ANKS1B: variants seen among roughly 807,000 people sequenced by gnomAD.
ANKS1B encodes the protein ankyrin repeat and sterile alpha motif domain-containing protein 1B.
A neutral mutation model predicts 148.3 loss-of-function variants in ANKS1B; 36 were observed. The ratio of observed to expected loss-of-function variants is 0.24; its 90% CI spans 0.19 to 0.32. The LOEUF (loss-of-function observed/expected upper bound fraction) is 0.32, where lower values mean the gene tolerates loss of function less well. Among genes scored for constraint, ANKS1B ranks in the 10% least tolerant of loss-of-function variants. ANKS1B has a pLI of 1.00. For missense variants in ANKS1B, 1,157 were observed against 1,542.6 expected (o/e 0.75, Z 4.19); for synonymous variants, 542 against 560.8 (o/e 0.97, Z 0.47).
At chr12:99,177,084 T>C (rs1448206457) in intron 14 of ANKS1B, among the ~76,000 whole-genome samples, 1 of 152,142 alleles carries the variant, frequency 6.6e-6, no homozygotes, top group Admixed American at 6.5e-5. Flanking sequence ...TCATCATCAC[T>C]GAACACAGCC....
intron 12 of ANKS1B, among the ~76,000 whole-genome samples, chr12:99,320,817 C>T (rs1016434214): frequency 6.6e-6 from 1 of 152,084 alleles, no homozygotes; most frequent in Non-Finnish European, 1.5e-5. Context: ...CTGGTTTCTC[C>T]CCATCTTTGT....
intron 9 of ANKS1B, among the ~76,000 whole-genome samples, chr12:99,624,083 G>C (rs970348082): frequency 3.9e-5 from 6 of 152,012 alleles, no homozygotes. Flanking sequence ...ACAGAATACA[G>C]AACCCTGAAA....
intron 12 of ANKS1B, among the ~76,000 whole-genome samples, chr12:99,325,303 T>A (rs529949638): frequency 6.6e-6 from 1 of 152,056 alleles, no homozygotes; most frequent in Non-Finnish European, 1.5e-5. Context: ...AGAACAAACA[T>A]TGAATTTACA....
intron 25 of ANKS1B, among the ~76,000 whole-genome samples, chr12:98,767,563 G>A (rs2098501592): frequency 6.6e-6 from 1 of 152,198 alleles, no homozygotes; most frequent in Admixed American, 6.5e-5. Context: ...ATCAAAGACT[G>A]CAAACATATT....
intron 8 of ANKS1B, among the ~76,000 whole-genome samples, chr12:99,752,185 C>G (rs2061166089): frequency 6.6e-6 from 1 of 151,984 alleles, no homozygotes; most frequent in African/African-American, 2.4e-5. Context: ...TTCATTTTCA[C>G]TGATTAAAAT....
chr12:99,460,048 T>C (rs115697437), intron 10 of ANKS1B, among the ~76,000 whole-genome samples: 255 of 152,156 alleles, frequency 1.7e-3, no homozygotes, highest in African/African-American at 6.0e-3. Flanking sequence ...GGTACTGGTA[T>C]AATAACATAT....
At chr12:99,422,480 G>A (rs188334613) in intron 11 of ANKS1B, among the ~76,000 whole-genome samples, 1 of 152,272 alleles carries the variant, frequency 6.6e-6, no homozygotes, top group East Asian at 1.9e-4. Context: ...GCTTCTTTAA[G>A]GAAGTAATCT....
chr12:99,388,124 T>C (rs539292550), intron 12 of ANKS1B, among the ~76,000 whole-genome samples: 2 of 152,200 alleles, frequency 1.3e-5, no homozygotes, highest in Middle Eastern at 3.4e-3. Flanking sequence ...TGATCAGATA[T>C]CCTTTTTAAA....
chr12:99,585,886 A>G (rs910825278), intron 9 of ANKS1B, among the ~76,000 whole-genome samples: 4 of 152,162 alleles, frequency 2.6e-5, no homozygotes, highest in African/African-American at 9.7e-5. Flanking sequence ...GGCCCAGCTC[A>G]TGAAATCATT....
chr12:99,857,361 A>G (rs895365236), intron 1 of ANKS1B, among the ~76,000 whole-genome samples: 1 of 152,226 alleles, frequency 6.6e-6, no homozygotes, highest in African/African-American at 2.4e-5. Flanking sequence ...AAGGAAAACT[A>G]CAAAACACTG....
intron 14 of ANKS1B, among the ~76,000 whole-genome samples, chr12:99,192,702 T>C (rs1388661365): frequency 1.3e-5 from 2 of 152,048 alleles, no homozygotes; most frequent in African/African-American, 4.8e-5. Context: ...AAATAAAGCA[T>C]GACGTCAACC....
chr12:99,968,430 C>T (rs919271738), intron 1 of ANKS1B, among the ~76,000 whole-genome samples: 3 of 151,952 alleles, frequency 2.0e-5, no homozygotes, highest in Admixed American at 6.6e-5. Context: ...TGGTGGCGGG[C>T]GCCTGTAGTC....
intron 25 of ANKS1B, among the ~76,000 whole-genome samples, chr12:98,756,884 C>G (rs1164748761): frequency 1.3e-5 from 2 of 151,670 alleles, no homozygotes; most frequent in South Asian, 4.2e-4. Flanking sequence ...CCCACCACCA[C>G]GCCTGGCTAC....
intron 12 of ANKS1B, among the ~76,000 whole-genome samples, chr12:99,268,155 G>A (rs757279047): frequency 5.5e-4 from 84 of 152,090 alleles, no homozygotes; most frequent in Non-Finnish European, 4.9e-4. Context: ...AACTCAACTC[G>A]TTTTTGAAAG....
intron 9 of ANKS1B, among the ~76,000 whole-genome samples, chr12:99,646,899 C>G (rs756180701): frequency 2.7e-5 from 4 of 149,814 alleles, no homozygotes; most frequent in Non-Finnish European, 4.4e-5. Context: ...ATTCCATAGC[C>G]AGGGTATGAA....
chr12:98,745,415 T>C lies in ANKS1B; in HGVS notation c.*324A>G, dbSNP rs987544711. On this transcript the variant is annotated 3_prime_UTR_variant, in exon 27 of 27. Coordinates refer to ENST00000683438, the MANE Select transcript of ANKS1B (RefSeq NM_001352186.2). Reference sequence around the variant, plus strand: ...TTTTTTTTTTAAAGAAAAGGTATTATTTTCCCCAAATGAAGCAAAGCAAGT... The same window carrying C: ...TTTTTTTTTTAAAGAAAAGGTATTACTTTCCCCAAATGAAGCAAAGCAAGT... The C allele has an allele frequency of 6.0e-6, 6 of 994,386 alleles. No homozygotes were observed. The highest frequency in any genetic ancestry group is 4.7e-5 in the South Asian group (1 of 21,150). The allele number at this position is 994,386 out of a possible 1,614,324, so 61.6% of individuals were successfully genotyped here. A position where few individuals can be genotyped will look rare whatever the true frequency, so the allele number is the denominator to read the frequency against.
At chr12:99,850,663 G>T (rs1452806383) in intron 1 of ANKS1B, among the ~76,000 whole-genome samples, 5 of 151,952 alleles carry the variant, frequency 3.3e-5, no homozygotes, top group African/African-American at 1.2e-4. Flanking sequence ...TATGTTAAGT[G>T]ACTCAAGGGA....
chr12:99,554,627 AAAG>A (rs2097257606), intron 9 of ANKS1B, among the ~76,000 whole-genome samples: 1 of 152,216 alleles, frequency 6.6e-6, no homozygotes, highest in Non-Finnish European at 1.5e-5. Context: ...TCCATGAAGA[AAAG>A]AAGCTCAGAA....
In ANKS1B at chr12:98,751,737, T is replaced by TG. The variant is rs1167421764; in HGVS notation, c.3580-216dup. Among the ~76,000 whole-genome samples, 1 of 152,200 alleles carries TG rather than the reference T, an allele frequency of 6.6e-6. No homozygotes were observed. Among genetic ancestry groups the TG allele is most frequent in the Non-Finnish European group, 1.5e-5 (1 of 68,022 alleles). On this transcript the variant is annotated intron_variant, in intron 25 of 26. Transcript: ENST00000683438. This position sits in a 1 kb window ranked among gnomAD's most constrained non-coding sequence, Gnocchi z 4.3. Reference sequence around the variant, plus strand: ...TAGTCATTTGTGAAAAGAAAAATCTTGGGACCTCAAATCACTAAGACAAAC... The same window carrying TG: ...TAGTCATTTGTGAAAAGAAAAATCTTGGGGACCTCAAATCACTAAGACAAAC...
Sources: gnomAD v4.1 joint callset for allele counts (sites outside exome capture counted in the v4.1 genomes callset) on GRCh38, gnomAD v4.1.1 for gene constraint, Gnocchi (gnomAD v3.1) non-coding constraint, MANE v1.5 for transcripts, NCBI Gene and HGNC (gene_info 2026-07-23, HGNC 2026-07-21) for gene names.